Variants in AAK1 observed in about 807,000 individuals in gnomAD.
AAK1 encodes AP2 associated kinase 1.
A neutral mutation model predicts 116.0 loss-of-function variants in AAK1; 37 were observed. The ratio of observed to expected loss-of-function variants is 0.32; its 90% confidence interval spans 0.25 to 0.42. The LOEUF (loss-of-function observed/expected upper bound fraction) is 0.42, where lower values mean the gene tolerates loss of function less well. Among genes scored for constraint, AAK1 ranks in the 10% least tolerant of loss-of-function variants. The pLI is 1.00. For synonymous variants in AAK1, 458 were observed against 439.9 expected, an observed-to-expected ratio of 1.04 and a Z score of -0.51; for missense variants, 919 against 1,170.6, an observed-to-expected ratio of 0.79 and a Z score of 3.14.
intron 19 of AAK1, among the ~76,000 whole-genome samples, chr2:69,480,260 CAAAA>C (rs761196037): frequency 1.5e-5 from 1 of 68,062 alleles, no homozygotes; most frequent in Non-Finnish European, 3.4e-5. Flanking sequence ...GAATTATGGA[CAAAA>C]AAAAAAAAAA....
chr2:69,586,614 C>G lies in AAK1; in HGVS notation c.164-29636G>C, dbSNP rs566116717. ...CACCTAGAATAACAAAGTCAATGCT[C>G]GGTAACTACTGAATGAAGGAGTGTC... On this transcript the variant is annotated intron_variant, in intron 2 of 21. Coordinates refer to ENST00000409085, the MANE Select transcript of AAK1 (RefSeq NM_014911.5). Among the ~76,000 whole-genome samples the G allele has an allele frequency of 2.0e-5, 3 of 152,280 alleles. No individual in the cohort carries two copies. In the South Asian group the frequency reaches 6.2e-4, roughly 32 times the overall value.
intron 5 of AAK1, among the ~76,000 whole-genome samples, chr2:69,540,876 G>T (rs1670684865): frequency 6.6e-6 from 1 of 152,148 alleles, no homozygotes; most frequent in African/African-American, 2.4e-5. Flanking sequence ...GTGAATGAAT[G>T]GATAAACAAA....
rs777201332 is a variant in AAK1 at position 69,613,708 on chromosome 2, C to A, written c.163+29170G>T. 2.6e-5 allele frequency among the ~76,000 whole-genome samples: 4 copies of A among 152,174 alleles called. 1 individual carries two copies. The highest frequency in any genetic ancestry group is 9.7e-5 in the African/African-American group (4 of 41,444). On this transcript the variant is annotated intron_variant, in intron 2 of 21. Transcript: ENST00000409085. ...GTGGAGGTACCTGGAGGGTGGCATGCCCAGAGAGGGCATGCAAGCTCCATG... is the reference window on the plus strand; with the variant it reads ...GTGGAGGTACCTGGAGGGTGGCATGACCAGAGAGGGCATGCAAGCTCCATG...
At chr2:69,576,205 A>G (rs1410554499) in intron 2 of AAK1, among the ~76,000 whole-genome samples, 1 of 152,246 alleles carries the variant, frequency 6.6e-6, no homozygotes, top group Non-Finnish European at 1.5e-5. Flanking sequence ...GGATTAAAAC[A>G]GAAAAATCCA....
At chr2:69,594,921 G>T in intron 2 of AAK1, 2 of 1,160,058 alleles carry the variant, frequency 1.7e-6, no homozygotes, top group Non-Finnish European at 2.6e-6. Context: ...GCCCACTACA[G>T]CCACTCTGCT....
chr2:69,598,864 CAG>C (rs1264065325), intron 2 of AAK1: 1 of 276,576 alleles, frequency 3.6e-6, no homozygotes, highest in African/African-American at 2.3e-5. Flanking sequence ...TCTGTCAACT[CAG>C]ATGTGTGATT....
intron 12 of AAK1, among the ~76,000 whole-genome samples, chr2:69,515,005 G>A (rs748985376): frequency 3.3e-5 from 5 of 152,126 alleles, no homozygotes; most frequent in Non-Finnish European, 7.4e-5. Context: ...CTTCCAAGTG[G>A]GTTTCTGGGC....
At chr2:69,614,512 T>G (rs1674231190) in intron 2 of AAK1, among the ~76,000 whole-genome samples, 1 of 152,080 alleles carries the variant, frequency 6.6e-6, no homozygotes, top group South Asian at 2.1e-4. Context: ...GTCATGGCAC[T>G]CTCCACGGCA....
At chr2:69,601,424 C>A (rs1184649730) in intron 2 of AAK1, among the ~76,000 whole-genome samples, 1 of 152,200 alleles carries the variant, frequency 6.6e-6, no homozygotes. Context: ...TTTATTGGGA[C>A]TCCAATTGAC....
intron 15 of AAK1, among the ~76,000 whole-genome samples, chr2:69,506,912 T>G (rs1258734331): frequency 1.3e-5 from 2 of 150,878 alleles, no homozygotes; most frequent in African/African-American, 4.9e-5. Flanking sequence ...CCTTCCAAAG[T>G]AGACTGTTCT....
Position 69,509,201 on chromosome 2 carries a change from T to C in AAK1, c.2006+30A>G, listed in dbSNP as rs758535026. On this transcript the variant is annotated intron_variant, in intron 14 of 21. Coordinates refer to ENST00000409085, the MANE Select transcript of AAK1 (RefSeq NM_014911.5). ...CGCAGGCAGACTTTGCCCACAGAGG[T>C]AAGAACAACAAAGAGGAAGCACCAC... The C allele has an allele frequency of 1.9e-6, 3 of 1,603,084 alleles. No individual in the cohort carries two copies. The South Asian group carries it at 3.3e-5, about 18-fold the overall frequency.
In AAK1 at chr2:69,476,906, G is replaced by C; in HGVS notation, c.2765C>G (p.Pro922Arg). Residue 922 changes from proline (P) to arginine (R), a missense_variant, in exon 21 of 22, where the codon CCT becomes CGT. This residue lies in a region of AAK1 where 263 missense variants were observed against 285.5 expected (regional missense o/e 0.92). Transcript: ENST00000409085. ...KVAEDEFDPI[P>R]VLITKNPQGG... ...TTGTGGGTTTTTGGTTATCAATACA[G>C]GAATAGGGTCAAACTCATCTTCAGC... The C allele has an allele frequency of 6.2e-7, 1 of 1,613,618 alleles. No homozygotes were observed.
chr2:69,602,626 G>C (rs1368949802), intron 2 of AAK1, among the ~76,000 whole-genome samples: 1 of 151,970 alleles, frequency 6.6e-6, no homozygotes, highest in Non-Finnish European at 1.5e-5. Flanking sequence ...AAAAGAAAAG[G>C]ACAAGATGAG....
In AAK1 at chr2:69,568,052, G is replaced by A. The variant is rs1310355865; in HGVS notation, c.164-11074C>T. Reference sequence around the variant, plus strand: ...AGTGATGAGCAAACAGAGCAGCAGAGGTCAGCCGGAGGGAGCAGCATCGGT... The same window carrying A: ...AGTGATGAGCAAACAGAGCAGCAGAAGTCAGCCGGAGGGAGCAGCATCGGT... On this transcript the variant is annotated intron_variant, in intron 2 of 21. Coordinates refer to ENST00000409085, the MANE Select transcript of AAK1 (RefSeq NM_014911.5). Among the ~76,000 whole-genome samples the A allele has an allele frequency of 4.6e-5, 7 of 152,172 alleles. No individual in the cohort carries two copies. The East Asian group carries it at 1.3e-3, about 29-fold the overall frequency.
At position 69,462,109 on chromosome 2, in the gene AAK1, CT is replaced by C. The variant is rs1674354375; in HGVS notation, c.*13759del. ...AAAGGGGAATTAGAATGATCTCTTA[CT>C]TTAAGAATTTCTGAACCAAACACCG... On this transcript the variant is annotated 3_prime_UTR_variant, in exon 22 of 22. Coordinates refer to ENST00000409085, the MANE Select transcript of AAK1 (RefSeq NM_014911.5). 6.7e-6 allele frequency: 1 copy of C among 150,282 alleles called. No individual in the cohort carries two copies. The highest frequency in any genetic ancestry group is 6.7e-5 in the Admixed American group (1 of 14,960). The allele number at this position is 150,282 out of a possible 1,614,324, so 9.3% of individuals were successfully genotyped here.
intron 17 of AAK1, among the ~76,000 whole-genome samples, chr2:69,492,074 G>A (rs956945948): frequency 3.9e-5 from 6 of 152,010 alleles, no homozygotes; most frequent in East Asian, 1.9e-4. Context: ...CCATGAGGGC[G>A]TTACTTGACA....
Position 69,519,092 on chromosome 2 carries a change from C to A in AAK1, c.1359G>T (p.Leu453=). ...QQTPSTQAQG[L]PAQAQATPQH... is the part of the protein sequence containing the mutation. ...GGGGTGTGGCCTGGGCCTGAGCGGG[C>A]AGACCCTGGGCCTGAGTAGAAGGCG... The change falls in exon 12 of 22, where the codon CTG becomes CTT. Residue 453 remains leucine, a synonymous_variant. Coordinates refer to ENST00000409085, the MANE Select transcript of AAK1 (RefSeq NM_014911.5). 6.4e-7 allele frequency: 1 copy of A among 1,552,418 alleles called. No individual in the cohort carries two copies. The highest frequency in any genetic ancestry group is 8.7e-7 in the Non-Finnish European group (1 of 1,147,404).
rs139547201 is a variant in AAK1 at position 69,502,065 on chromosome 2, C to T, written c.2269+3504G>A. Among the ~76,000 whole-genome samples the T allele has an allele frequency of 6.1e-3, 928 of 152,110 alleles. 8 individuals are homozygous for T. The highest frequency in any genetic ancestry group is 0.022 in the African/African-American group (895 of 41,488). ...AAGATTTTATAAATCTAAGTGTTGTCTCTGAAAATATAATAAAACATCCAA... is the reference window on the plus strand; with the variant it reads ...AAGATTTTATAAATCTAAGTGTTGTTTCTGAAAATATAATAAAACATCCAA... On this transcript the variant is annotated intron_variant, in intron 16 of 21. Coordinates refer to ENST00000409085, the MANE Select transcript of AAK1 (RefSeq NM_014911.5).
At chr2:69,547,000 A>C (rs1334877599) in intron 3 of AAK1, among the ~76,000 whole-genome samples, 1 of 152,218 alleles carries the variant, frequency 6.6e-6, no homozygotes, top group East Asian at 1.9e-4. Flanking sequence ...GCATCAGTAC[A>C]TTTATACTCA....
Sources: gnomAD v4.1 joint callset for allele counts (sites outside exome capture counted in the v4.1 genomes callset) on GRCh38, gnomAD v4.1.1 for gene constraint, gnomAD v4.1.1 regional missense constraint, MANE v1.5 for transcripts, NCBI Gene and HGNC (gene_info 2026-07-23, HGNC 2026-07-21) for gene names.